ABI1: variants seen among roughly 807,000 people sequenced by gnomAD.
ABI1 encodes the protein abl interactor 1, also known as Abelson interactor 1.
In ABI1, 14 loss-of-function variants were observed where a neutral mutation model predicts 54.6. The ratio of observed to expected loss-of-function variants is 0.26; its 90% confidence interval spans 0.17 to 0.40. The LOEUF (loss-of-function observed/expected upper bound fraction) is 0.40, where lower values mean the gene tolerates loss of function less well. Ranked by LOEUF, ABI1 falls within the 10% of genes least tolerant of loss-of-function variation. The pLI, the probability that ABI1 is intolerant of heterozygous loss-of-function variation, is 1.00. For missense variants in ABI1, 443 were observed against 598.3 expected (o/e 0.74, Z 2.71); for synonymous variants, 194 against 209.3 (o/e 0.93, Z 0.63).
chr10:26,759,862 G>A (rs1004923747), intron 7 of ABI1, among the ~76,000 whole-genome samples: 7 of 151,926 alleles, frequency 4.6e-5, no homozygotes, highest in African/African-American at 1.4e-4. Context: ...GCCATTTCTC[G>A]TTTCAAAGCA....
At chr10:26,773,365 C>T (rs983624429) in intron 3 of ABI1, among the ~76,000 whole-genome samples, 5 of 151,350 alleles carry the variant, frequency 3.3e-5, no homozygotes, top group African/African-American at 1.2e-4. Context: ...CCATGCTTGG[C>T]TAAATTTTGT....
chr10:26,854,752 T>G (rs1418605290), intron 1 of ABI1, among the ~76,000 whole-genome samples: 1 of 152,246 alleles, frequency 6.6e-6, no homozygotes, highest in Non-Finnish European at 1.5e-5. Flanking sequence ...TCACTTTGAC[T>G]GTTTTTCCCC....
At chr10:26,765,114 A>G (rs1839761184) in intron 7 of ABI1, 104 bp downstream of exon 7, 3 of 817,952 alleles carry the variant, frequency 3.7e-6, no homozygotes, top group Non-Finnish European at 5.7e-6. Flanking sequence ...ACGATCACAA[A>G]TTTAATTAAT....
At chr10:26,838,449 T>C (rs1257814984) in intron 1 of ABI1, among the ~76,000 whole-genome samples, 1 of 152,040 alleles carries the variant, frequency 6.6e-6, no homozygotes, top group Non-Finnish European at 1.5e-5. Flanking sequence ...CAGAATGAAA[T>C]GAACAGTATC....
At chr10:26,858,644 CTT>C (rs1466725256) in intron 1 of ABI1, among the ~76,000 whole-genome samples, 1 of 148,092 alleles carries the variant, frequency 6.8e-6, no homozygotes, top group Non-Finnish European at 1.5e-5. Context: ...AATAACATGA[CTT>C]AATTAGAGAT....
rs984293590 is a variant in ABI1 at position 26,770,452 on chromosome 10, C to T, written c.478-107G>A. On this transcript the variant is annotated intron_variant, in intron 4 of 10. Coordinates refer to ENST00000376140, the MANE Select transcript of ABI1 (RefSeq NM_001012750.3). ...ATATCAGAATGTGAATTAAGGATTC[C>T]CAGACAGTTTGAATAAAGACTTTGG... 12 of 1,134,286 alleles carry T rather than the reference C, an allele frequency of 1.1e-5. No individual in the cohort carries two copies. In the East Asian group the frequency reaches 2.6e-4, roughly 25 times the overall value. The allele number at this position is 1,134,286 out of a possible 1,614,324, so 70.3% of individuals were successfully genotyped here. A position where few individuals can be genotyped will look rare whatever the true frequency, so the allele number is the denominator to read the frequency against.
intron 1 of ABI1, among the ~76,000 whole-genome samples, chr10:26,852,007 A>G (rs964555548): frequency 2.6e-5 from 4 of 152,136 alleles, no homozygotes; most frequent in African/African-American, 7.2e-5. Context: ...TGAGCTGAGC[A>G]TGGTGGGAGG....
intron 1 of ABI1, among the ~76,000 whole-genome samples, chr10:26,839,475 G>A (rs1328262614): frequency 3.9e-5 from 6 of 152,160 alleles, no homozygotes; most frequent in Admixed American, 1.3e-4. Context: ...CAGCCTGGGC[G>A]ACAGAGCAGG....
chr10:26,762,699 G>C (rs1433002377), intron 7 of ABI1, among the ~76,000 whole-genome samples: 2 of 152,130 alleles, frequency 1.3e-5, no homozygotes, highest in Non-Finnish European at 2.9e-5. Flanking sequence ...AGTTATAACA[G>C]AATGAGAATG....
At chr10:26,845,440 C>T (rs1399319658) in intron 1 of ABI1, among the ~76,000 whole-genome samples, 4 of 152,010 alleles carry the variant, frequency 2.6e-5, no homozygotes, top group Admixed American at 6.6e-5. Flanking sequence ...GTCAGGAGTT[C>T]GAGACCAGCC....
intron 2 of ABI1, among the ~76,000 whole-genome samples, chr10:26,797,878 A>G (rs1844388601): frequency 6.6e-6 from 1 of 152,244 alleles, no homozygotes; most frequent in Non-Finnish European, 1.5e-5. Flanking sequence ...TAGGAAAACA[A>G]AGTAACAGAC....
chr10:26,843,468 AAAAAAAAAAAAAAAAAAATAT>A (rs2049701707), intron 1 of ABI1, among the ~76,000 whole-genome samples: 1 of 84,682 alleles, frequency 1.2e-5, no homozygotes, highest in African/African-American at 4.3e-5. Context: ...AAAAAAAAAA[AAAAAAAAAAAAAAAAAAATAT>A]ATATATATAT....
At chr10:26,794,922 T>C (rs1392565647) in intron 2 of ABI1, among the ~76,000 whole-genome samples, 1 of 152,050 alleles carries the variant, frequency 6.6e-6, no homozygotes, top group Non-Finnish European at 1.5e-5. Context: ...GTTGGGCGGA[T>C]TGCTTGAGGC....
At chr10:26,820,474 A>T (rs1287913052) in intron 2 of ABI1, among the ~76,000 whole-genome samples, 1 of 152,174 alleles carries the variant, frequency 6.6e-6, no homozygotes, top group African/African-American at 2.4e-5. Context: ...TAAGCAACAC[A>T]TTTCCAATAA....
rs1418699899 is a variant in ABI1 at position 26,761,651 on chromosome 10, TATATATATATAC to T, written c.821-2425_821-2414del. Among the ~76,000 whole-genome samples, 12 of 114,120 alleles carry T rather than the reference TATATATATATAC, an allele frequency of 1.1e-4. 1 individual carries two copies. In the South Asian group the frequency reaches 1.9e-3, roughly 18 times the overall value. The allele number at this position is 114,120 out of a possible 152,430, so 74.9% of individuals were successfully genotyped here. A position where few individuals can be genotyped will look rare whatever the true frequency, so the allele number is the denominator to read the frequency against. Reference sequence around the variant, plus strand: ...ATATATATATATATATATATATATATATATATATATACACACACACATACACATATATAACCT... The same window carrying T: ...ATATATATATATATATATATATATATACACACACATACACATATATAACCT... On this transcript the variant is annotated intron_variant, in intron 7 of 10. Coordinates refer to ENST00000376140, the MANE Select transcript of ABI1 (RefSeq NM_001012750.3).
At chr10:26,793,084 T>C (rs889957964) in intron 2 of ABI1, among the ~76,000 whole-genome samples, 4 of 152,150 alleles carry the variant, frequency 2.6e-5, no homozygotes, top group African/African-American at 4.8e-5. Context: ...GCATTATAGG[T>C]TTTAAGCAAA....
chr10:26,778,223 A>G (rs1841669010), intron 2 of ABI1, among the ~76,000 whole-genome samples: 1 of 152,232 alleles, frequency 6.6e-6, no homozygotes, highest in Non-Finnish European at 1.5e-5. Context: ...CTTTTTAAAA[A>G]TATTTTTTTA....
chr10:26,853,998 C>T (rs1366056019), intron 1 of ABI1, among the ~76,000 whole-genome samples: 2 of 152,142 alleles, frequency 1.3e-5, no homozygotes, highest in African/African-American at 4.8e-5. Flanking sequence ...ATTCTTAGGA[C>T]ATAATTTCAC....
At chr10:26,830,174 C>T (rs1380904062) in intron 1 of ABI1, among the ~76,000 whole-genome samples, 1 of 152,222 alleles carries the variant, frequency 6.6e-6, no homozygotes, top group African/African-American at 2.4e-5. Context: ...CTCCATTTAT[C>T]AGCTGATGGA....
Sources: gnomAD v4.1 joint callset for allele counts (sites outside exome capture counted in the v4.1 genomes callset) on GRCh38, gnomAD v4.1.1 for gene constraint, MANE v1.5 for transcripts, NCBI Gene and HGNC (gene_info 2026-07-23, HGNC 2026-07-21) for gene names.